FNDC3B: variants seen among roughly 807,000 people sequenced by gnomAD.
FNDC3B encodes the protein fibronectin type III domain-containing protein 3B.
FNDC3B carries 12 observed loss-of-function variants against 151.5 expected under a neutral mutation model. The observed-to-expected ratio is 0.08, with a 90% CI of 0.05 to 0.13. The LOEUF (loss-of-function observed/expected upper bound fraction) is 0.13. FNDC3B is among the 10% of genes least tolerant of loss of function. The pLI is 1.00. For synonymous variants in FNDC3B, 528 were observed against 549.0 expected (o/e 0.96, Z 0.54); for missense variants, 1,214 against 1,505.3 (o/e 0.81, Z 3.20).
At chr3:172,342,318 TC>T (rs1203922352) in intron 17 of FNDC3B, among the ~76,000 whole-genome samples, 8 of 152,228 alleles carry the variant, frequency 5.3e-5, no homozygotes, top group African/African-American at 1.9e-4. Context: ...TTATCAGTGG[TC>T]CTTCCTATGT....
chr3:172,367,006 A>C (rs1734658483), intron 23 of FNDC3B, among the ~76,000 whole-genome samples: 1 of 152,214 alleles, frequency 6.6e-6, no homozygotes, highest in Admixed American at 6.5e-5. Flanking sequence ...AAGGGATCCC[A>C]AAGAGCATCT....
chr3:172,315,459 GT>G (rs1560073846), intron 11 of FNDC3B, among the ~76,000 whole-genome samples: 1 of 152,184 alleles, frequency 6.6e-6, no homozygotes, highest in African/African-American at 2.4e-5. Flanking sequence ...AAACAGGTCA[GT>G]TTTTATTACT....
intron 6 of FNDC3B, among the ~76,000 whole-genome samples, chr3:172,263,800 A>G (rs895796487): frequency 6.6e-6 from 1 of 152,106 alleles, no homozygotes; most frequent in East Asian, 1.9e-4. Context: ...CATCATCTAC[A>G]ACATTACGCA....
intron 23 of FNDC3B, among the ~76,000 whole-genome samples, chr3:172,366,622 G>A (rs1734633215): frequency 6.6e-6 from 1 of 152,184 alleles, no homozygotes; most frequent in Non-Finnish European, 1.5e-5. Context: ...TCACAGTCTG[G>A]TGGGTAATGG....
At chr3:172,150,695 C>T (rs1181583076) in intron 3 of FNDC3B, among the ~76,000 whole-genome samples, 1 of 151,588 alleles carries the variant, frequency 6.6e-6, no homozygotes, top group Non-Finnish European at 1.5e-5. Context: ...GAAAAAGGTA[C>T]TTGGAATCGG....
At chr3:172,104,337 A>T (rs1719522459) in intron 1 of FNDC3B, among the ~76,000 whole-genome samples, 1 of 151,814 alleles carries the variant, frequency 6.6e-6, no homozygotes, top group African/African-American at 2.4e-5. Context: ...TAATTATTTT[A>T]TTGACAAATC....
chr3:172,108,217 A>T (rs1719765943), intron 1 of FNDC3B, among the ~76,000 whole-genome samples: 1 of 152,046 alleles, frequency 6.6e-6, no homozygotes, highest in Non-Finnish European at 1.5e-5. Flanking sequence ...AGCTCTGTAT[A>T]TGTAAGGTCA....
chr3:172,207,893 A>G (rs547236621), intron 3 of FNDC3B, among the ~76,000 whole-genome samples: 3 of 152,184 alleles, frequency 2.0e-5, no homozygotes, highest in Non-Finnish European at 4.4e-5. Context: ...GTTGCAGTGA[A>G]CCGAGATTGC....
At chr3:172,316,549 C>T (rs1576904296) in intron 11 of FNDC3B, 3 of 380,100 alleles carry the variant, frequency 7.9e-6, no homozygotes, top group Non-Finnish European at 1.6e-5. Flanking sequence ...TTTTAATGGG[C>T]AAATAAGAAC....
intron 6 of FNDC3B, among the ~76,000 whole-genome samples, chr3:172,269,885 G>A (rs1729111267): frequency 6.6e-6 from 1 of 152,158 alleles, no homozygotes; most frequent in Admixed American, 6.5e-5. Context: ...CTGACCTCGT[G>A]ATCCGCCCAC....
chr3:172,141,140 AT>A (rs746735913), intron 3 of FNDC3B, among the ~76,000 whole-genome samples: 28 of 117,206 alleles, frequency 2.4e-4, no homozygotes, highest in African/African-American at 6.0e-4. Flanking sequence ...AGCTTTACTG[AT>A]TTTTCCCCCC....
Position 172,295,532 on chromosome 3 carries a change from T to C in FNDC3B, c.1001+18T>C, listed in dbSNP as rs199826814. On this transcript the variant is annotated intron_variant, in intron 8 of 25. Transcript: ENST00000415807. ...ATTTACAGGTTGTGTATGTTTCTAT[T>C]GTTTTTCTTTGCTGCTAAACTGTAA... 8.7e-6 allele frequency: 14 copies of C among 1,608,934 alleles called. No individual in the cohort carries two copies. The African/African-American group carries it at 1.6e-4, about 18-fold the overall frequency.
intron 2 of FNDC3B, among the ~76,000 whole-genome samples, chr3:172,120,816 T>C (rs1207806033): frequency 6.6e-6 from 1 of 151,988 alleles, no homozygotes; most frequent in African/African-American, 2.4e-5. Flanking sequence ...CTCTACCAAA[T>C]TGCCGGGCGT....
chr3:172,170,163 C>T (rs141575212), intron 3 of FNDC3B, among the ~76,000 whole-genome samples: 6 of 152,186 alleles, frequency 3.9e-5, no homozygotes, highest in African/African-American at 1.4e-4. Flanking sequence ...TAAATGTAAG[C>T]CCAGAGGGGA....
At chr3:172,198,638 C>A (rs1724974687) in intron 3 of FNDC3B, among the ~76,000 whole-genome samples, 1 of 152,166 alleles carries the variant, frequency 6.6e-6, no homozygotes, top group African/African-American at 2.4e-5. Context: ...TAGGTGATGT[C>A]TTCCTCCTGA....
intron 1 of FNDC3B, among the ~76,000 whole-genome samples, chr3:172,088,130 T>C (rs1400166965): frequency 1.3e-5 from 2 of 151,892 alleles, no homozygotes; most frequent in Non-Finnish European, 2.9e-5. Flanking sequence ...CCTAAATGAG[T>C]GTTGTACAGC....
intron 3 of FNDC3B, among the ~76,000 whole-genome samples, chr3:172,159,192 T>G (rs1722649165): frequency 6.6e-6 from 1 of 152,170 alleles, no homozygotes; most frequent in Non-Finnish European, 1.5e-5. Context: ...GGCAGGAGAA[T>G]CCCTTGAACC....
chr3:172,252,682 G>A (rs140334275), intron 6 of FNDC3B, among the ~76,000 whole-genome samples: 109 of 152,094 alleles, frequency 7.2e-4, no homozygotes, highest in African/African-American at 2.5e-3. Flanking sequence ...TTCCCCCTAC[G>A]TTATTTGGGT....
intron 6 of FNDC3B, among the ~76,000 whole-genome samples, chr3:172,259,946 G>T (rs572886326): frequency 6.6e-6 from 1 of 152,128 alleles, no homozygotes; most frequent in African/African-American, 2.4e-5. Context: ...AAAATAATTC[G>T]TTGAGTTTTC....
Sources: gnomAD v4.1 joint callset for allele counts (sites outside exome capture counted in the v4.1 genomes callset) on GRCh38, gnomAD v4.1.1 for gene constraint, MANE v1.5 for transcripts, NCBI Gene and HGNC (gene_info 2026-07-23, HGNC 2026-07-21) for gene names.